The following RORB variants were observed in gnomAD, a reference collection of about 807,000 sequenced individuals.
The protein encoded by RORB is nuclear receptor ROR-beta.
A neutral mutation model predicts 59.1 loss-of-function variants in RORB; 6 were observed. That is an observed-to-expected ratio of 0.10 (90% CI 0.06 to 0.20). The LOEUF (loss-of-function observed/expected upper bound fraction) is 0.20, where lower values mean the gene tolerates loss of function less well. Ranked by LOEUF, RORB falls within the 10% of genes least tolerant of loss-of-function variation. The probability of loss-of-function intolerance (pLI) is 1.00; values close to 1 mark genes in which losing one functional copy is unlikely to be tolerated. For missense variants in RORB, 320 were observed against 560.5 expected (o/e 0.57, Z 4.33); for synonymous variants, 215 against 204.5 (o/e 1.05, Z -0.44).
chr9:74,636,021 C>G (rs1003772309), intron 3 of RORB, among the ~76,000 whole-genome samples: 5 of 148,538 alleles, frequency 3.4e-5, no homozygotes, highest in African/African-American at 1.2e-4. Flanking sequence ...TCCAAAGCTA[C>G]AGAGACGAGG....
At chr9:74,512,052 C>A (rs1368294734) in intron 1 of RORB, among the ~76,000 whole-genome samples, 1 of 152,030 alleles carries the variant, frequency 6.6e-6, no homozygotes, top group Non-Finnish European at 1.5e-5. Flanking sequence ...AAGAAGAATT[C>A]TGCCTTATTA....
At chr9:74,641,755 A>G (rs1468717467) in intron 3 of RORB, among the ~76,000 whole-genome samples, 1 of 151,770 alleles carries the variant, frequency 6.6e-6, no homozygotes, top group East Asian at 1.9e-4. Context: ...AAAAAAAAAA[A>G]AAATAGCTGG....
At chr9:74,586,215 G>C (rs10046869) in intron 1 of RORB, among the ~76,000 whole-genome samples, 5,803 of 152,138 alleles carry the variant, frequency 0.038, 369 homozygotes, top group African/African-American at 0.13. Context: ...AGTGTATTTT[G>C]GGCCAGGTGC....
intron 1 of RORB, among the ~76,000 whole-genome samples, chr9:74,507,158 G>A (rs1050632728): frequency 6.6e-6 from 1 of 152,100 alleles, no homozygotes; most frequent in African/African-American, 2.4e-5. Flanking sequence ...CTGGGCCAGT[G>A]TACTATTCTG....
chr9:74,655,664 A>G (rs1203016126), intron 4 of RORB, among the ~76,000 whole-genome samples: 2 of 151,784 alleles, frequency 1.3e-5, no homozygotes, highest in Non-Finnish European at 2.9e-5. Context: ...TGCATACTGT[A>G]TTCATTGTCT....
chr9:74,541,405 A>G (rs564366730), intron 1 of RORB, among the ~76,000 whole-genome samples: 200 of 152,180 alleles, frequency 1.3e-3, no homozygotes, highest in South Asian at 0.011. Context: ...AAACAATTAT[A>G]TTTTAAAAGA....
Position 74,659,100 on chromosome 9 carries a change from C to T in RORB, c.638-1517C>T, listed in dbSNP as rs116751613. ...CTCCCCTGATGACAAACTATGTAGACTGTCCTAATAAGGATAACCGGGGCT... is the reference window on the plus strand; with the variant it reads ...CTCCCCTGATGACAAACTATGTAGATTGTCCTAATAAGGATAACCGGGGCT... On this transcript the variant is annotated intron_variant, in intron 4 of 9. Transcript: ENST00000376896. Among the ~76,000 whole-genome samples the T allele has an allele frequency of 2.4e-3, 362 of 152,310 alleles. 1 individual carries two copies. The highest frequency in any genetic ancestry group is 8.2e-3 in the African/African-American group (339 of 41,570).
At chr9:74,525,850 G>C (rs1386436725) in intron 1 of RORB, among the ~76,000 whole-genome samples, 1 of 151,858 alleles carries the variant, frequency 6.6e-6, no homozygotes, top group East Asian at 1.9e-4. Flanking sequence ...TGATTTTCAC[G>C]TAGAGCCAAC....
At chr9:74,681,407 C>T (rs779490562) in intron 9 of RORB, among the ~76,000 whole-genome samples, 10 of 152,342 alleles carry the variant, frequency 6.6e-5, no homozygotes, top group African/African-American at 2.2e-4. Flanking sequence ...ATGCCCCTAT[C>T]GGCACTTCTG....
Position 74,664,011 on chromosome 9 carries a change from A to T in RORB, c.892+1405A>T, listed in dbSNP as rs1042033992. On this transcript the variant is annotated intron_variant, in intron 6 of 9. Transcript: ENST00000376896. The stretch of plus-strand genomic sequence containing the variant: ...CCAGATTCAAAGATAGGAGACATGG[A>T]TTCTACTACTTAATAGGGGAGTGGT... Among the ~76,000 whole-genome samples, 19 of 152,190 alleles carry T rather than the reference A, an allele frequency of 1.2e-4. 1 individual carries two copies. The highest frequency in any genetic ancestry group is 2.6e-4 in the Admixed American group (4 of 15,278).
Position 74,497,798 on chromosome 9 carries a change from G to T in RORB, c.-179G>T. On this transcript the variant is annotated 5_prime_UTR_variant, in exon 1 of 10. Transcript: ENST00000376896. ...CCAACATCAAAACTGTTAACATAGC[G>T]GCGGCGGCGGCAAACGTCACCCTGC... The T allele has an allele frequency of 1.6e-6, 1 of 607,346 alleles. No homozygotes were observed. Among genetic ancestry groups the T allele is most frequent in the South Asian group, 2.1e-5 (1 of 48,758 alleles). The allele number at this position is 607,346 out of a possible 1,614,324, so 37.6% of individuals were successfully genotyped here.
chr9:74,498,460 T>C, intron 1 of RORB: 1 of 159,122 alleles, frequency 6.3e-6, no homozygotes, highest in Non-Finnish European at 1.4e-5. Context: ...CGAGGCCCAC[T>C]AAGCGTCCTG....
chr9:74,606,115 T>C (rs1021445978), intron 1 of RORB, among the ~76,000 whole-genome samples: 6 of 152,208 alleles, frequency 3.9e-5, no homozygotes, highest in Non-Finnish European at 7.3e-5. Context: ...GTTGTTGTGA[T>C]TAAATAAATG....
At chr9:74,646,689 T>C (rs893417347) in intron 4 of RORB, among the ~76,000 whole-genome samples, 2 of 152,176 alleles carry the variant, frequency 1.3e-5, no homozygotes, top group Non-Finnish European at 2.9e-5. Context: ...AAAGCTTAAA[T>C]TCTAAGGTTA....
In RORB at chr9:74,506,087, A is replaced by T. The variant is rs558628095; in HGVS notation, c.7+8104A>T. Among the ~76,000 whole-genome samples, 9 of 152,046 alleles carry T rather than the reference A, an allele frequency of 5.9e-5. No individual in the cohort carries two copies. The South Asian group carries it at 1.9e-3, about 32-fold the overall frequency. ...ATTTATTTTTTAAAAAAAGGAAATG[A>T]CTGATGTATATTGAGTTTCATTTTC... On this transcript the variant is annotated intron_variant, in intron 1 of 9. Coordinates refer to ENST00000376896, the MANE Select transcript of RORB (RefSeq NM_006914.4).
At chr9:74,521,769 C>G (rs974557919) in intron 1 of RORB, among the ~76,000 whole-genome samples, 2 of 151,690 alleles carry the variant, frequency 1.3e-5, no homozygotes, top group African/African-American at 4.8e-5. Context: ...GAATACAGTA[C>G]CTGTCACGAG....
intron 1 of RORB, among the ~76,000 whole-genome samples, chr9:74,523,658 C>T (rs536493417): frequency 6.6e-6 from 1 of 151,992 alleles, no homozygotes; most frequent in South Asian, 2.1e-4. Context: ...ATAATCAGAA[C>T]ATTAAAAGGA....
At chr9:74,611,562 C>T (rs1024434359) in intron 1 of RORB, among the ~76,000 whole-genome samples, 13 of 152,304 alleles carry the variant, frequency 8.5e-5, no homozygotes, top group African/African-American at 2.9e-4. Flanking sequence ...TGAGAGTAGG[C>T]GGTGAGACTC....
intron 4 of RORB, among the ~76,000 whole-genome samples, chr9:74,658,511 G>A (rs1458416683): frequency 1.3e-5 from 2 of 152,078 alleles, no homozygotes; most frequent in African/African-American, 4.8e-5. Context: ...AACAGATAAA[G>A]TTTTTCACAA....
Sources: gnomAD v4.1 joint callset for allele counts (sites outside exome capture counted in the v4.1 genomes callset) on GRCh38, gnomAD v4.1.1 for gene constraint, MANE v1.5 for transcripts, NCBI Gene and HGNC (gene_info 2026-07-23, HGNC 2026-07-21) for gene names.